Variants in ALPK1 observed in about 807,000 individuals in gnomAD.
The protein encoded by ALPK1 is alpha kinase 1, also known as alpha-protein kinase 1.
In ALPK1, 110 loss-of-function variants were observed where a neutral mutation model predicts 120.6. That is an observed-to-expected ratio of 0.91 (90% CI 0.78 to 1.07). ALPK1 has a LOEUF of 1.07. Among genes scored for constraint, ALPK1 ranks in the 50% least tolerant of loss-of-function variants. The pLI is 0.00. For synonymous variants in ALPK1, 582 were observed against 560.3 expected, an observed-to-expected ratio of 1.04 and a Z score of -0.55; for missense variants, 1,498 against 1,483.9, an observed-to-expected ratio of 1.01 and a Z score of -0.16.
At chr4:112,414,421 A>G (rs767850074) in intron 5 of ALPK1, 71 of 410,496 alleles carry the variant, frequency 1.7e-4, no homozygotes, top group Non-Finnish European at 2.2e-4. Context: ...AGCCTGGACA[A>G]CATGATGAAA....
At chr4:112,415,708 C>T (rs1334999308) in intron 5 of ALPK1, among the ~76,000 whole-genome samples, 1 of 151,546 alleles carries the variant, frequency 6.6e-6, no homozygotes, top group Non-Finnish European at 1.5e-5. Context: ...GGGAATTCCC[C>T]ACAGAACAGG....
At chr4:112,341,319 T>TGCTG (rs1404268691) in intron 2 of ALPK1, among the ~76,000 whole-genome samples, 1 of 152,246 alleles carries the variant, frequency 6.6e-6, no homozygotes, top group African/African-American at 2.4e-5. Flanking sequence ...AAGCCCACTC[T>TGCTG]GCTGCTCGTT....
In ALPK1 at chr4:112,417,272, A is replaced by G. The variant is rs544004392; in HGVS notation, c.475+5247A>G. Among the ~76,000 whole-genome samples the G allele has an allele frequency of 1.5e-4, 23 of 152,326 alleles. No individual in the cohort carries two copies. The South Asian group carries it at 4.6e-3, about 30-fold the overall frequency. ...AATTGAACTTAGAATGAAGAAGTGG[A>G]GAGTAAAAAAAGATGATGACTAAAG... On this transcript the variant is annotated intron_variant, in intron 5 of 15. Coordinates refer to ENST00000650871, the MANE Select transcript of ALPK1 (RefSeq NM_025144.4).
Position 112,428,017 on chromosome 4 carries a change from A to C in ALPK1, c.795+352A>C, listed in dbSNP as rs988507720. 7 of 187,056 alleles carry C rather than the reference A, an allele frequency of 3.7e-5. No homozygotes were observed. In the South Asian group the frequency reaches 8.9e-4, roughly 24 times the overall value. 11.6% of individuals were successfully genotyped at this position (187,056 alleles called of 1,614,324 possible). ...GATGATAAAGGGGTAATAATTTTAA[A>C]ACTTTGTAATCACCATCTGTTCAAA... On this transcript the variant is annotated intron_variant, in intron 9 of 15. Transcript: ENST00000650871.
chr4:112,316,280 T>A (rs926597717), intron 2 of ALPK1: 2 of 152,232 alleles, frequency 1.3e-5, no homozygotes, highest in African/African-American at 4.8e-5. Context: ...TTCATATAAG[T>A]GATATCATGC....
intron 2 of ALPK1, chr4:112,358,876 C>T: frequency 1.3e-6 from 1 of 775,288 alleles, no homozygotes. Flanking sequence ...GACTTTGCTG[C>T]CCTGGCGACC....
chr4:112,349,555 C>G (rs992842159), intron 2 of ALPK1, among the ~76,000 whole-genome samples: 5 of 142,584 alleles, frequency 3.5e-5, no homozygotes, highest in Non-Finnish European at 7.6e-5. Context: ...ACCCCTGCCC[C>G]CCCCCGCTTT....
At chr4:112,308,727 T>G (rs553918049) in intron 1 of ALPK1, among the ~76,000 whole-genome samples, 1 of 152,276 alleles carries the variant, frequency 6.6e-6, no homozygotes, top group African/African-American at 2.4e-5. Flanking sequence ...TTTGATCGTC[T>G]GAAGCCTTCT....
chr4:112,398,379 A>G lies in ALPK1; in HGVS notation c.277-13448A>G, dbSNP rs191393009. Among the ~76,000 whole-genome samples the G allele has an allele frequency of 6.6e-5, 10 of 152,124 alleles. No individual in the cohort carries two copies. In the East Asian group the frequency reaches 1.2e-3, roughly 18 times the overall value. On this transcript the variant is annotated intron_variant, in intron 4 of 15. Transcript: ENST00000650871. ...GTGATCATAGCTCACTGTAACCTCAAATTCCTCTGTTCAAGTGATCCTCCC... is the reference window on the plus strand; with the variant it reads ...GTGATCATAGCTCACTGTAACCTCAGATTCCTCTGTTCAAGTGATCCTCCC...
intron 1 of ALPK1, among the ~76,000 whole-genome samples, chr4:112,305,572 A>C (rs2110523772): frequency 6.6e-6 from 1 of 152,200 alleles, no homozygotes; most frequent in Non-Finnish European, 1.5e-5. Flanking sequence ...GGTGTATAAG[A>C]ATGCTTGTGA....
intron 2 of ALPK1, among the ~76,000 whole-genome samples, chr4:112,332,114 C>T (rs1729406053): frequency 6.6e-6 from 1 of 152,182 alleles, no homozygotes; most frequent in Non-Finnish European, 1.5e-5. Context: ...CAGTCACTCA[C>T]TCTACGGTCC....
At position 112,425,764 on chromosome 4, in the gene ALPK1, A is replaced by G. The variant is rs1249811353; in HGVS notation, c.622+13A>G. ...CTGCAAAAGCTGGGTACAATCATGT[A>G]AAACTTGCATTTCTCAAGGCTCATT... On this transcript the variant is annotated intron_variant, in intron 7 of 15. Transcript: ENST00000650871. 1 of 1,604,592 alleles carries G rather than the reference A, an allele frequency of 6.2e-7. No homozygotes were observed. Among genetic ancestry groups the G allele is most frequent in the Non-Finnish European group, 8.5e-7 (1 of 1,173,140 alleles).
At position 112,424,008 on chromosome 4, in the gene ALPK1, G is replaced by C; in HGVS notation, c.535+5G>C. The C allele has an allele frequency of 6.2e-7, 1 of 1,613,290 alleles. No homozygotes were observed. Among genetic ancestry groups the C allele is most frequent in the Non-Finnish European group, 8.5e-7 (1 of 1,179,780 alleles). On this transcript the variant is annotated splice_donor_5th_base_variant and intron_variant, in intron 6 of 15. Coordinates refer to ENST00000650871, the MANE Select transcript of ALPK1 (RefSeq NM_025144.4). ...TAAGCAACAATGGAGCAACGGGTGA[G>C]TACTTTCATATCTTCACAATGACTT...
chr4:112,346,740 T>G (rs1237448621), intron 2 of ALPK1, among the ~76,000 whole-genome samples: 2 of 152,342 alleles, frequency 1.3e-5, no homozygotes, highest in South Asian at 4.1e-4. Flanking sequence ...GTGAAACAGT[T>G]TTAAGAATAG....
chr4:112,308,821 G>A (rs903806505), intron 1 of ALPK1, among the ~76,000 whole-genome samples: 12 of 152,050 alleles, frequency 7.9e-5, no homozygotes, highest in East Asian at 3.9e-4. Context: ...GGGGAGGGGC[G>A]CTCTGATTTT....
At chr4:112,359,413 A>T in intron 2 of ALPK1, 1 of 311,732 alleles carries the variant, frequency 3.2e-6, no homozygotes, top group East Asian at 7.0e-5. Context: ...AAGCCTGAGA[A>T]CATCCCCCTG....
At chr4:112,364,685 A>G (rs1731062864) in intron 2 of ALPK1, among the ~76,000 whole-genome samples, 2 of 152,334 alleles carry the variant, frequency 1.3e-5, no homozygotes, top group South Asian at 4.1e-4. Context: ...AGAAAGAGGG[A>G]ATCTTCCCTA....
intron 2 of ALPK1, chr4:112,358,914 C>T: frequency 1.3e-6 from 1 of 769,404 alleles, no homozygotes; most frequent in South Asian, 1.3e-5. Flanking sequence ...TGCTGAAAAC[C>T]CCAAGAAGCA....
chr4:112,358,506 C>T (rs1730754751), intron 2 of ALPK1: 6 of 679,070 alleles, frequency 8.8e-6, no homozygotes, highest in Admixed American at 2.3e-5. Flanking sequence ...CCCTCAGGGT[C>T]ACCAGCTGCT....
Sources: allele counts gnomAD v4.1 joint callset (sites outside exome capture counted in the v4.1 genomes callset), GRCh38; gene constraint gnomAD v4.1.1; transcripts MANE v1.5; gene names NCBI Gene and HGNC (gene_info 2026-07-23, HGNC 2026-07-21).